The following FER variants were observed in gnomAD, a reference collection of about 807,000 sequenced individuals.
FER encodes tyrosine-protein kinase Fer.
Under a neutral mutation model 111.0 loss-of-function variants are expected in FER, and 63 were observed. The observed-to-expected ratio is 0.57, with a 90% CI of 0.46 to 0.70. FER has a LOEUF of 0.70. Among genes scored for constraint, FER ranks in the 30% least tolerant of loss-of-function variants. The pLI is 0.00. For synonymous variants in FER, 327 were observed against 313.9 expected, an observed-to-expected ratio of 1.04 and a Z score of -0.44; for missense variants, 914 against 954.0, an observed-to-expected ratio of 0.96 and a Z score of 0.55.
chr5:108,824,423 T>A (rs1474719904), intron 3 of FER, among the ~76,000 whole-genome samples: 1 of 152,134 alleles, frequency 6.6e-6, no homozygotes, highest in East Asian at 1.9e-4. Context: ...TTCTTTCAAT[T>A]CATGAACGTA....
At chr5:108,804,161 G>T (rs1756958820) in intron 3 of FER, among the ~76,000 whole-genome samples, 1 of 152,030 alleles carries the variant, frequency 6.6e-6, no homozygotes. Context: ...TATAGAATTG[G>T]TGCTGATTTT....
intron 16 of FER, among the ~76,000 whole-genome samples, chr5:109,093,853 G>A (rs984150743): frequency 9.9e-5 from 15 of 152,036 alleles, no homozygotes; most frequent in Admixed American, 8.5e-4. Context: ...TAGCATTTAA[G>A]TATTTGAAGG....
At chr5:109,036,447 A>G (rs1209995069) in intron 13 of FER, among the ~76,000 whole-genome samples, 1 of 152,136 alleles carries the variant, frequency 6.6e-6, no homozygotes, top group Non-Finnish European at 1.5e-5. Flanking sequence ...AGTCATAGTT[A>G]GGGTGAATTT....
chr5:108,857,455 A>T (rs1763112070), intron 5 of FER, among the ~76,000 whole-genome samples: 1 of 152,110 alleles, frequency 6.6e-6, no homozygotes, highest in South Asian at 2.1e-4. Context: ...TCATTGGAGT[A>T]AGGTGGTATA....
At chr5:109,000,979 C>T (rs1352465130) in intron 13 of FER, among the ~76,000 whole-genome samples, 2 of 152,076 alleles carry the variant, frequency 1.3e-5, no homozygotes, top group Admixed American at 1.3e-4. Flanking sequence ...CTGAATAGAC[C>T]AATAACAGGA....
chr5:108,927,554 C>T (rs1180819981), intron 10 of FER, among the ~76,000 whole-genome samples: 1 of 152,160 alleles, frequency 6.6e-6, no homozygotes, highest in East Asian at 1.9e-4. Context: ...CCATCGCGCC[C>T]GGCGAGAAGT....
At chr5:109,049,051 T>TG (rs539236942) in intron 16 of FER, among the ~76,000 whole-genome samples, 10 of 152,236 alleles carry the variant, frequency 6.6e-5, no homozygotes, top group Non-Finnish European at 1.3e-4. Context: ...TTGGACTCAC[T>TG]GTAAGAATCA....
Position 108,996,610 on chromosome 5 carries a change from G to A in FER, c.1656+37263G>A, listed in dbSNP as rs188012880. ...ATTTCTGAGGCCTCTATTCTGTTCC[G>A]TTGGTCTGTATATCTGTTTTAATAC... is the stretch of plus-strand genomic sequence containing the variant. On this transcript the variant is annotated intron_variant, in intron 13 of 19. Transcript: ENST00000281092. 2.6e-4 allele frequency among the ~76,000 whole-genome samples: 39 copies of A among 152,142 alleles called. 1 individual carries two copies. The highest frequency in any genetic ancestry group is 8.9e-4 in the African/African-American group (37 of 41,522).
chr5:108,825,689 G>C (rs1759391108), intron 3 of FER, among the ~76,000 whole-genome samples: 1 of 152,194 alleles, frequency 6.6e-6, no homozygotes, highest in South Asian at 2.1e-4. Context: ...GAAGTGATAA[G>C]TGTCCATGAA....
At position 109,119,416 on chromosome 5, in the gene FER, G is replaced by A. The variant is rs1750679416; in HGVS notation, c.2048+18897G>A. Among the ~76,000 whole-genome samples, 5 of 152,158 alleles carry A rather than the reference G, an allele frequency of 3.3e-5. No individual in the cohort carries two copies. In the South Asian group the frequency reaches 1.0e-3, roughly 32 times the overall value. On this transcript the variant is annotated intron_variant, in intron 17 of 19. Coordinates refer to ENST00000281092, the MANE Select transcript of FER (RefSeq NM_005246.4). The stretch of plus-strand genomic sequence containing the variant: ...TGTTCTTTTACATTTGCTGAGGAGA[G>A]CTTTACTTCCAACTATGTGGTCAAT...
intron 3 of FER, among the ~76,000 whole-genome samples, chr5:108,831,628 A>G (rs985443863): frequency 1.3e-5 from 2 of 152,178 alleles, no homozygotes; most frequent in African/African-American, 4.8e-5. Flanking sequence ...AAAGGTTATT[A>G]TTTTTTAAAA....
intron 3 of FER, among the ~76,000 whole-genome samples, chr5:108,826,006 T>C (rs78964974): frequency 0.23 from 34,499 of 152,122 alleles, 4,090 homozygotes; most frequent in African/African-American, 0.28. Flanking sequence ...TTTTCTTTTT[T>C]CCGATTTTAG....
rs1561917959 is a variant in FER, at chr5:109,119,164, C to A, written c.2048+18645C>A. On this transcript the variant is annotated intron_variant, in intron 17 of 19. Coordinates refer to ENST00000281092, the MANE Select transcript of FER (RefSeq NM_005246.4). ...GGCATTTAGTGCTATAAATTTCCCT[C>A]TACACACTGCTTTGAATGTGTCTCA... Among the ~76,000 whole-genome samples the A allele has an allele frequency of 9.2e-5, 14 of 152,210 alleles. No homozygotes were observed. In the South Asian group the frequency reaches 2.5e-3, roughly 27 times the overall value.
chr5:108,999,659 A>G (rs904719991), intron 13 of FER, among the ~76,000 whole-genome samples: 2 of 151,438 alleles, frequency 1.3e-5, no homozygotes, highest in African/African-American at 4.9e-5. Context: ...TACTCCTATC[A>G]GTATGGCAAA....
At chr5:109,064,769 C>T (rs929389293) in intron 16 of FER, among the ~76,000 whole-genome samples, 3 of 152,116 alleles carry the variant, frequency 2.0e-5, no homozygotes, top group African/African-American at 7.2e-5. Context: ...AAATGACTTT[C>T]TGTTATTTGA....
intron 13 of FER, among the ~76,000 whole-genome samples, chr5:108,978,017 T>C (rs1322620891): frequency 6.6e-6 from 1 of 152,100 alleles, no homozygotes; most frequent in Non-Finnish European, 1.5e-5. Flanking sequence ...TGGCTAATAT[T>C]TGTATTTTTA....
chr5:109,149,905 A>G (rs1754633845), intron 17 of FER, among the ~76,000 whole-genome samples: 4 of 152,130 alleles, frequency 2.6e-5, no homozygotes, highest in Admixed American at 2.0e-4. Context: ...GCGGAAGGCC[A>G]GGGAGCATTA....
intron 16 of FER, among the ~76,000 whole-genome samples, chr5:109,099,349 AATTTC>A (rs1747926703): frequency 6.6e-6 from 1 of 151,526 alleles, no homozygotes; most frequent in South Asian, 2.1e-4. Context: ...ACTGAATTTT[AATTTC>A]ATTTCATTTT....
At chr5:108,899,900 G>A (rs1329241274) in intron 10 of FER, among the ~76,000 whole-genome samples, 1 of 152,148 alleles carries the variant, frequency 6.6e-6, no homozygotes, top group African/African-American at 2.4e-5. Flanking sequence ...TGTTTCTGAG[G>A]TAGTGTATAG....
Sources: allele counts gnomAD v4.1 joint callset (sites outside exome capture counted in the v4.1 genomes callset), GRCh38; gene constraint gnomAD v4.1.1; transcripts MANE v1.5; gene names NCBI Gene and HGNC (gene_info 2026-07-23, HGNC 2026-07-21).